Variants in SRSF11 observed in about 807,000 individuals in gnomAD.
SRSF11 encodes serine and arginine rich splicing factor 11, also known as serine/arginine-rich splicing factor 11.
Under a neutral mutation model 56.0 loss-of-function variants are expected in SRSF11, and 9 were observed. That is an observed-to-expected ratio of 0.16 (90% CI 0.10 to 0.28). SRSF11 has a LOEUF of 0.28. Among genes scored for constraint, SRSF11 ranks in the 10% least tolerant of loss-of-function variants. The pLI is 1.00. For missense variants in SRSF11, 421 were observed against 600.7 expected, an observed-to-expected ratio of 0.70 and a Z score of 3.13; for synonymous variants, 222 against 215.3, an observed-to-expected ratio of 1.03 and a Z score of -0.27.
chr1:70,244,467 A>G (rs1676280670), intron 7 of SRSF11, among the ~76,000 whole-genome samples: 1 of 152,226 alleles, frequency 6.6e-6, no homozygotes, highest in African/African-American at 2.4e-5. Flanking sequence ...TGAGCAAATC[A>G]TTAAAAGGTG....
intron 5 of SRSF11, 48 bp from the exon 6 acceptor site, chr1:70,237,377 G>A (rs778264645): frequency 1.6e-5 from 25 of 1,598,986 alleles, no homozygotes; most frequent in South Asian, 9.1e-5. Context: ...TGAAATGCTC[G>A]TGTGCATTTT....
At chr1:70,244,944 A>G (rs1450815376) in intron 8 of SRSF11, 129 bp downstream of exon 8, 4 of 857,452 alleles carry the variant, frequency 4.7e-6, no homozygotes, top group Middle Eastern at 2.6e-4. Flanking sequence ...GAAACTGTCA[A>G]TATTTGAGTT....
At chr1:70,244,594 T>G in intron 7 of SRSF11, 90 bp from the exon 8 acceptor site, 1 of 1,389,630 alleles carries the variant, frequency 7.2e-7, no homozygotes, top group Non-Finnish European at 9.9e-7. Context: ...GTTTAGTCCA[T>G]ATGTCCGAAT....
At chr1:70,240,658 GTTC>G (rs762613994) in intron 7 of SRSF11, among the ~76,000 whole-genome samples, 15 of 151,640 alleles carry the variant, frequency 9.9e-5, no homozygotes, top group Non-Finnish European at 1.9e-4. Flanking sequence ...TTGCATCCTA[GTTC>G]TTCTAGTCAG....
intron 1 of SRSF11, among the ~76,000 whole-genome samples, chr1:70,225,880 A>G (rs998579849): frequency 3.3e-5 from 5 of 152,216 alleles, no homozygotes; most frequent in African/African-American, 1.2e-4. Flanking sequence ...TTTAGAGCAC[A>G]AAAATTAATT....
chr1:70,221,467 GCGGCGGGGCGGAGAAA>G lies in SRSF11; in HGVS notation c.-163_-148del. The G allele has an allele frequency of 1.0e-6, 1 of 988,914 alleles. No homozygotes were observed. Among genetic ancestry groups the G allele is most frequent in the Non-Finnish European group, 1.5e-6 (1 of 673,476 alleles). 61.3% of individuals were successfully genotyped at this position (988,914 alleles called of 1,614,324 possible). A position where few individuals can be genotyped will look rare whatever the true frequency, so the allele number is the denominator to read the frequency against. ...GCTCTCATCCCCTCCCCCGCGGCGT[GCGGCGGGGCGGAGAAA>G]CGGCGGCGGCGGCGGCGGCATCGGC... On this transcript the variant is annotated 5_prime_UTR_variant, in exon 1 of 12. Coordinates refer to ENST00000370949, the MANE Select transcript of SRSF11 (RefSeq NM_001350605.2).
chr1:70,246,968 G>A, intron 9 of SRSF11, 61 bp downstream of exon 9: 1 of 1,347,776 alleles, frequency 7.4e-7, no homozygotes, highest in Non-Finnish European at 1.0e-6. Context: ...AACAGTATCA[G>A]TACGCTGTCA....
chr1:70,232,034 A>T, intron 2 of SRSF11: 1 of 1,514,828 alleles, frequency 6.6e-7, no homozygotes, highest in Non-Finnish European at 8.8e-7. Context: ...ATTTTTTTTT[A>T]CTCTAGAAAC....
At chr1:70,217,405 C>T (rs1464547845), upstream of SRSF11, among the ~76,000 whole-genome samples, 3 of 152,186 alleles carry the variant, frequency 2.0e-5, no homozygotes, top group Non-Finnish European at 4.4e-5. Flanking sequence ...GTTCCGCCTG[C>T]CTTGGCCTGC....
rs781190175 is a variant in SRSF11 at position 70,234,702 on chromosome 1, G to A, written c.454G>A (p.Ala152Thr). Residue 152 changes from alanine (A) to threonine (T), a missense_variant, in exon 4 of 12, where the codon GCT becomes ACT. Around this residue, in one of 2 missense-constraint regions of SRSF11, gnomAD observed 168 missense variants for 294.9 expected, o/e 0.57. Coordinates refer to ENST00000370949, the MANE Select transcript of SRSF11 (RefSeq NM_001350605.2). ...AAAATTTGCCATTTCACAGATTGGC[G>A]CTGTTCCACTGGCTGCTTTGGGGGC... The part of the protein sequence containing the change: ...PTPNPLTQIG[A>T]VPLAALGAPT... 7 of 1,603,564 alleles carry A rather than the reference G, an allele frequency of 4.4e-6. No individual in the cohort carries two copies. The highest frequency in any genetic ancestry group is 1.1e-5 in the South Asian group (1 of 89,388).
At position 70,249,945 on chromosome 1, in the gene SRSF11, A is replaced by G. The variant is rs772405342; in HGVS notation, c.1023-7A>G. 7.1e-5 allele frequency: 114 copies of G among 1,613,888 alleles called. No homozygotes were observed. Among genetic ancestry groups the G allele is most frequent in the Non-Finnish European group, 9.4e-5 (111 of 1,179,938 alleles). On this transcript the variant is annotated splice_polypyrimidine_tract_variant and splice_region_variant and intron_variant, in intron 9 of 11. Coordinates refer to ENST00000370949, the MANE Select transcript of SRSF11 (RefSeq NM_001350605.2). ...TTAAAACCTAGTTTGCACATTTGTG[A>G]TTCTAGAGAGAGACGACGACGAAGA...
intron 1 of SRSF11, among the ~76,000 whole-genome samples, chr1:70,210,102 G>A (rs149512928): frequency 3.3e-5 from 5 of 151,770 alleles, no homozygotes; most frequent in African/African-American, 9.7e-5. Flanking sequence ...CTTTTGAATC[G>A]TGAAACAGCT....
rs1052360019 is a variant in SRSF11 at position 70,250,958 on chromosome 1, T to G, written c.*153T>G. On this transcript the variant is annotated 3_prime_UTR_variant, in exon 12 of 12. Coordinates refer to ENST00000370949, the MANE Select transcript of SRSF11 (RefSeq NM_001350605.2). Reference sequence around the variant, plus strand: ...GCTCCTGTTACTCATATTAGTTATTTACATCAAAAAGCTTTTAGAAAATGG... The same window carrying G: ...GCTCCTGTTACTCATATTAGTTATTGACATCAAAAAGCTTTTAGAAAATGG... 7.7e-6 allele frequency: 5 copies of G among 653,046 alleles called. No individual in the cohort carries two copies. The highest frequency in any genetic ancestry group is 3.6e-5 in the African/African-American group (2 of 54,866). The allele number at this position is 653,046 out of a possible 1,614,324, so 40.5% of individuals were successfully genotyped here. A position where few individuals can be genotyped will look rare whatever the true frequency, so the allele number is the denominator to read the frequency against.
intron 11 of SRSF11, 39 bp downstream of exon 11, chr1:70,250,542 A>G (rs1351690975): frequency 1.9e-6 from 3 of 1,607,150 alleles, no homozygotes; most frequent in Non-Finnish European, 2.5e-6. Context: ...ATTTGGGGTG[A>G]TGTTGGTACT....
intron 6 of SRSF11, among the ~76,000 whole-genome samples, chr1:70,238,030 T>C (rs1337448454): frequency 2.0e-5 from 3 of 152,194 alleles, no homozygotes; most frequent in Non-Finnish European, 4.4e-5. Flanking sequence ...TGAATAGATA[T>C]CATATTATCT....
At chr1:70,233,717 C>A (rs961470262) in intron 3 of SRSF11, among the ~76,000 whole-genome samples, 6 of 152,170 alleles carry the variant, frequency 3.9e-5, no homozygotes, top group African/African-American at 1.4e-4. Context: ...GAACTTGTAG[C>A]ACAGGTGGAG....
intron 2 of SRSF11, 108 bp downstream of exon 2, chr1:70,228,663 T>G (rs1211214173): frequency 7.1e-7 from 1 of 1,402,086 alleles, no homozygotes; most frequent in Non-Finnish European, 9.3e-7. Context: ...ATTAACATTT[T>G]TAAACCCTTG....
chr1:70,236,902 CTCAGCCTCCCGA>C (rs1385324495), intron 5 of SRSF11, among the ~76,000 whole-genome samples: 1 of 136,248 alleles, frequency 7.3e-6, no homozygotes, highest in Admixed American at 8.8e-5. Flanking sequence ...ATTCTGCTGT[CTCAGCCTCCCGA>C]ATAGCTGGGA....
At position 70,233,118 on chromosome 1, in the gene SRSF11, A is replaced by G. The variant is rs1239999366; in HGVS notation, c.447+741A>G. On this transcript the variant is annotated intron_variant, in intron 3 of 11. Transcript: ENST00000370949. ...AAGATTAGGAGTTCCTAAGCTTTTT[A>G]GGTGTGACTTTTATCACTTAACTCC... 4.6e-5 allele frequency among the ~76,000 whole-genome samples: 7 copies of G among 152,290 alleles called. No individual in the cohort carries two copies. The South Asian group carries it at 6.2e-4, about 14-fold the overall frequency.
Sources: allele counts gnomAD v4.1 joint callset (sites outside exome capture counted in the v4.1 genomes callset), GRCh38; gene constraint gnomAD v4.1.1; regional missense constraint gnomAD v4.1.1; transcripts MANE v1.5; gene names NCBI Gene and HGNC (gene_info 2026-07-23, HGNC 2026-07-21).